The following FANCI variants were observed in gnomAD, a reference collection of about 807,000 sequenced individuals.
FANCI encodes Fanconi anemia group I protein.
A neutral mutation model predicts 176.1 loss-of-function variants in FANCI; 156 were observed. That is an observed-to-expected ratio of 0.89 (90% confidence interval 0.78 to 1.01). FANCI has a LOEUF of 1.01. Among genes scored for constraint, FANCI ranks in the 50% least tolerant of loss-of-function variants. The pLI is 0.00. For synonymous variants in FANCI, 613 were observed against 541.7 expected (o/e 1.13, Z -1.83); for missense variants, 1,678 against 1,534.1 (o/e 1.09, Z -1.57).
intron 1 of FANCI, among the ~76,000 whole-genome samples, chr15:89,246,088 G>A (rs2051955879): frequency 1.3e-5 from 2 of 152,310 alleles, no homozygotes; most frequent in South Asian, 2.1e-4. Flanking sequence ...GCAGCTGAGT[G>A]GATGATGGTA....
intron 26 of FANCI, 106 bp downstream of exon 26, chr15:89,300,491 G>T (rs1034978651): frequency 7.4e-6 from 7 of 941,984 alleles, no homozygotes; most frequent in Admixed American, 5.8e-5. Context: ...AGTAGGAGAA[G>T]AATTTTTTCT....
At position 89,274,235 on chromosome 15, in the gene FANCI, A is replaced by G; in HGVS notation, c.1043A>G (p.Lys348Arg). Reference protein sequence around the residue: ...FKDLQLLQGSKFLQNLVPHRS... With the variant: ...FKDLQLLQGSRFLQNLVPHRS... Reference sequence around the variant, plus strand: ...GATCTTCAACTCCTCCAAGGCTCAAAATTTCTTCAGAATCTAGTTCCTCAT... The same window carrying G: ...GATCTTCAACTCCTCCAAGGCTCAAGATTTCTTCAGAATCTAGTTCCTCAT... Residue 348 changes from lysine to arginine, a missense_variant, in exon 12 of 38, where the codon AAA becomes AGA. Lys to Arg is a conservative substitution (Grantham distance 26, BLOSUM62 2). Transcript: ENST00000310775. The G allele has an allele frequency of 6.2e-7, 1 of 1,611,448 alleles. No homozygotes were observed. Among genetic ancestry groups the G allele is most frequent in the South Asian group, 1.1e-5 (1 of 90,696 alleles).
chr15:89,245,235 C>G (rs902364167), intron 1 of FANCI: 1 of 148,852 alleles, frequency 6.7e-6, no homozygotes, highest in Non-Finnish European at 1.5e-5. Context: ...GTGGCGCGAT[C>G]TCGGCTCACT....
At position 89,309,140 on chromosome 15, in the gene FANCI, T is replaced by TAA. The variant is rs1193198739; in HGVS notation, c.3651+1469_3651+1470insAA. On this transcript the variant is annotated intron_variant, in intron 34 of 37. Transcript: ENST00000310775. The stretch of plus-strand genomic sequence containing the variant: ...AGCCAGTAGTCAACTGTCATAAAGC[T>TAA]ATTACTTCTGGTCCTCTCCTTTTAT... 4.6e-5 allele frequency among the ~76,000 whole-genome samples: 7 copies of TAA among 152,154 alleles called. No individual in the cohort carries two copies. In the East Asian group the frequency reaches 1.3e-3, roughly 29 times the overall value.
intron 14 of FANCI, among the ~76,000 whole-genome samples, 185 bp from the exon 15 acceptor site, chr15:89,280,983 AAG>A (rs2053593473): frequency 6.6e-6 from 1 of 152,316 alleles, no homozygotes; most frequent in African/African-American, 2.4e-5. Context: ...TCATAGAAAA[AAG>A]CTAAAATTAT....
At chr15:89,279,586 C>T (rs371099245) in intron 14 of FANCI, among the ~76,000 whole-genome samples, 18 of 152,178 alleles carry the variant, frequency 1.2e-4, no homozygotes, top group East Asian at 7.7e-4. Context: ...GGTAAGTTCT[C>T]TGATTACTGT....
At chr15:89,295,368 A>G (rs1396948994) in intron 24 of FANCI, among the ~76,000 whole-genome samples, 1 of 62,894 alleles carries the variant, frequency 1.6e-5, no homozygotes, top group Admixed American at 1.5e-4. Context: ...TCTCAAAAGA[A>G]AAAAAAAAAA....
At chr15:89,285,507 G>A (rs902890089) in intron 18 of FANCI, among the ~76,000 whole-genome samples, 2 of 152,098 alleles carry the variant, frequency 1.3e-5, no homozygotes, top group Non-Finnish European at 2.9e-5. Flanking sequence ...TGCGCCCGTG[G>A]TCCCAGCTAC....
At chr15:89,269,793 G>A (rs2053128397) in intron 10 of FANCI, among the ~76,000 whole-genome samples, 1 of 151,862 alleles carries the variant, frequency 6.6e-6, no homozygotes, top group South Asian at 2.1e-4. Flanking sequence ...TTTATATTGT[G>A]GGATATTATT....
chr15:89,306,231 C>G, intron 32 of FANCI, 37 bp downstream of exon 32: 1 of 1,603,992 alleles, frequency 6.2e-7, no homozygotes. Flanking sequence ...CCCCACCATT[C>G]TACCCCAGTG....
rs75529282 is a variant in FANCI, at chr15:89,293,284, A to G, written c.2291+221A>G. 6.0e-3 allele frequency among the ~76,000 whole-genome samples: 916 copies of G among 152,320 alleles called. 5 individuals are homozygous for G. The highest frequency in any genetic ancestry group is 0.02 in the Middle Eastern group (6 of 294). On this transcript the variant is annotated intron_variant, in intron 22 of 37. Transcript: ENST00000310775. ...AATGAAAGCCTTCCAGCAGGGTTTC[A>G]CTTACTCAGAATTTCCCAGACCCTG... is the stretch of plus-strand genomic sequence containing the variant.
chr15:89,259,638 T>A (rs549413685), intron 3 of FANCI, among the ~76,000 whole-genome samples: 1 of 152,208 alleles, frequency 6.6e-6, no homozygotes, highest in Non-Finnish European at 1.5e-5. Flanking sequence ...ATCTCTTAGA[T>A]GTCACCTCTC....
chr15:89,269,657 C>A (rs1660736186), intron 10 of FANCI, among the ~76,000 whole-genome samples: 1 of 152,138 alleles, frequency 6.6e-6, no homozygotes, highest in Non-Finnish European at 1.5e-5. Context: ...CTTTGCAGGC[C>A]ATGCAGGTTC....
intron 14 of FANCI, among the ~76,000 whole-genome samples, chr15:89,279,141 TTTGTTGTTGTTGTTG>T: frequency 6.6e-6 from 1 of 151,012 alleles, no homozygotes; most frequent in Admixed American, 6.6e-5. Context: ...AATTTGCTGT[TTTGTTGTTGTTGTTG>T]TTGTTGTTGT....
intron 12 of FANCI, among the ~76,000 whole-genome samples, chr15:89,274,567 T>C (rs1468650687): frequency 1.3e-5 from 2 of 151,408 alleles, no homozygotes; most frequent in African/African-American, 4.8e-5. Context: ...TTCCATGATA[T>C]TACAATTCTC....
chr15:89,266,394 T>C (rs1182999545), intron 9 of FANCI, among the ~76,000 whole-genome samples: 1 of 151,058 alleles, frequency 6.6e-6, no homozygotes, highest in African/African-American at 2.4e-5. Flanking sequence ...ATTGGCATGA[T>C]GTCAGGTCAC....
In FANCI at chr15:89,261,438, A is replaced by T. The variant is rs1287318251; in HGVS notation, c.289-147A>T. On this transcript the variant is annotated intron_variant, in intron 4 of 37. Transcript: ENST00000310775. ...TCACAATTATAACTACGTACCAGAC[A>T]GAGCAGAATGATTCCATAAATCCCT... 3 of 984,736 alleles carry T rather than the reference A, an allele frequency of 3.0e-6. No homozygotes were observed. The African/African-American group carries it at 4.8e-5, about 16-fold the overall frequency. 61.0% of individuals were successfully genotyped at this position (984,736 alleles called of 1,614,324 possible).
intron 2 of FANCI, among the ~76,000 whole-genome samples, chr15:89,255,703 G>A (rs2052463089): frequency 1.3e-5 from 2 of 152,190 alleles, no homozygotes. Context: ...TAACTTGGTA[G>A]TTACAGTCTG....
At chr15:89,251,678 G>A (rs1172609850) in intron 2 of FANCI, among the ~76,000 whole-genome samples, 4 of 152,114 alleles carry the variant, frequency 2.6e-5, no homozygotes, top group Admixed American at 2.0e-4. Context: ...GGATTTAATA[G>A]CAGGAATACA....
Sources: gnomAD v4.1 joint callset for allele counts (sites outside exome capture counted in the v4.1 genomes callset) on GRCh38, gnomAD v4.1.1 for gene constraint, MANE v1.5 for transcripts, NCBI Gene and HGNC (gene_info 2026-07-23, HGNC 2026-07-21) for gene names.